The following NDEL1 variants were observed in gnomAD, a reference collection of about 807,000 sequenced individuals.
NDEL1 encodes nudE neurodevelopment protein 1 like 1.
Under a neutral mutation model 45.7 loss-of-function variants are expected in NDEL1, and 9 were observed. The ratio of observed to expected loss-of-function variants is 0.20; its 90% confidence interval spans 0.12 to 0.34. NDEL1 has a LOEUF of 0.34. NDEL1 is among the 10% of genes least tolerant of loss of function. The pLI, the probability that NDEL1 is intolerant of heterozygous loss-of-function variation, is 1.00. For synonymous variants in NDEL1, 133 were observed against 158.6 expected (o/e 0.84, Z 1.21); for missense variants, 306 against 406.2 (o/e 0.75, Z 2.12).
chr17:8,471,638 G>A (rs145673933), downstream of NDEL1, among the ~76,000 whole-genome samples: 345 of 152,350 alleles, frequency 2.3e-3, 1 homozygote, highest in African/African-American at 7.9e-3. Context: ...GAAGTCCGGG[G>A]CCACACTTTC....
intron 4 of NDEL1, among the ~76,000 whole-genome samples, chr17:8,448,148 G>A (rs972340857): frequency 2.0e-5 from 3 of 152,210 alleles, no homozygotes. Flanking sequence ...GTTCTAGGAA[G>A]TCAGTGTGAA....
intron 1 of NDEL1, among the ~76,000 whole-genome samples, chr17:8,442,262 A>C (rs1028455390): frequency 6.6e-6 from 1 of 152,178 alleles, no homozygotes; most frequent in African/African-American, 2.4e-5. Flanking sequence ...TCTAATATTG[A>C]TTTAATATAT....
chr17:8,458,610 T>G (rs1911001856), intron 7 of NDEL1, among the ~76,000 whole-genome samples: 1 of 152,232 alleles, frequency 6.6e-6, no homozygotes, highest in Non-Finnish European at 1.5e-5. Flanking sequence ...ATTATGCTTA[T>G]TCAGAGTTTG....
chr17:8,472,663 G>A (rs568186981), downstream of NDEL1, among the ~76,000 whole-genome samples: 1 of 151,394 alleles, frequency 6.6e-6, no homozygotes, highest in South Asian at 2.1e-4. Flanking sequence ...ACTCTGTCTC[G>A]GGAAAAAAAA....
At position 8,442,381 on chromosome 17, in the gene NDEL1, G is replaced by T. The variant is rs141552006; in HGVS notation, c.-12-1879G>T. Among the ~76,000 whole-genome samples, 942 of 152,098 alleles carry T rather than the reference G, an allele frequency of 6.2e-3. 11 individuals carry two copies. The highest frequency in any genetic ancestry group is 0.022 in the African/African-American group (908 of 41,462). ...AAAGTGGTACTTTGAAAGTCAAGAG[G>T]GAATATTGAAAGGATGATTATAAAT... On this transcript the variant is annotated intron_variant, in intron 1 of 8. Transcript: ENST00000334527.
intron 8 of NDEL1, chr17:8,466,656 T>A (rs889564521): frequency 2.2e-6 from 1 of 446,454 alleles, no homozygotes; most frequent in African/African-American, 2.0e-5. Flanking sequence ...TAGACCTGCT[T>A]TATGGGGAAA....
At chr17:8,436,137 CGTGTCTGAGGCTCCGCCGGGGCG>C in intron 1 of NDEL1, 92 bp downstream of exon 1, 1 of 260,674 alleles carries the variant, frequency 3.8e-6, no homozygotes, top group Non-Finnish European at 7.6e-6. Flanking sequence ...GGCCCGGGGC[CGTGTCTGAGGCTCCGCCGGGGCG>C]GGCCGGGCCG....
chr17:8,445,212 G>A lies in NDEL1; in HGVS notation c.87-499G>A, dbSNP rs138584768. On this transcript the variant is annotated intron_variant, in intron 2 of 8. Transcript: ENST00000334527. Reference sequence around the variant, plus strand: ...TATCTAAATATTAAACTAATTTATGGCATAGTAACATGTACTTCTCTATTA... The same window carrying A: ...TATCTAAATATTAAACTAATTTATGACATAGTAACATGTACTTCTCTATTA... Among the ~76,000 whole-genome samples, 340 of 152,078 alleles carry A rather than the reference G, an allele frequency of 2.2e-3. 1 individual carries two copies. Among genetic ancestry groups the A allele is most frequent in the African/African-American group, 7.8e-3 (322 of 41,458 alleles).
chr17:8,435,979 T>C lies in NDEL1; in HGVS notation c.-79T>C, dbSNP rs1442857014. 3 of 447,568 alleles carry C rather than the reference T, an allele frequency of 6.7e-6. No homozygotes were observed. The highest frequency in any genetic ancestry group is 4.2e-5 in the African/African-American group (2 of 48,032). The allele number at this position is 447,568 out of a possible 1,614,324, so 27.7% of individuals were successfully genotyped here. A position where few individuals can be genotyped will look rare whatever the true frequency, so the allele number is the denominator to read the frequency against. The stretch of plus-strand genomic sequence containing the variant: ...GCTGAGCCGAGCGGCTGGGCGGGCC[T>C]GGCCGGGCCGGCGGAGGGGAGACGT... On this transcript the variant is annotated 5_prime_UTR_variant, in exon 1 of 9. Coordinates refer to ENST00000334527, the MANE Select transcript of NDEL1 (RefSeq NM_030808.5).
intron 7 of NDEL1, among the ~76,000 whole-genome samples, chr17:8,456,186 CT>C (rs111804987): frequency 1.3e-5 from 2 of 152,264 alleles, no homozygotes; most frequent in African/African-American, 4.8e-5. Context: ...CCTGTTTCAG[CT>C]CATCATAGGG....
At chr17:8,442,078 T>G (rs1299463486) in intron 1 of NDEL1, among the ~76,000 whole-genome samples, 2 of 152,204 alleles carry the variant, frequency 1.3e-5, no homozygotes, top group African/African-American at 4.8e-5. Context: ...CAGGGCCGGA[T>G]AATGATGATT....
chr17:8,428,739 T>A (rs1484657829), intron 1 of NDEL1, among the ~76,000 whole-genome samples: 1 of 146,278 alleles, frequency 6.8e-6, no homozygotes, highest in East Asian at 2.1e-4. Context: ...AGTGGCATGA[T>A]CTCGGCTCAC....
downstream of NDEL1, among the ~76,000 whole-genome samples, chr17:8,471,272 T>G (rs1450151292): frequency 6.6e-6 from 1 of 152,250 alleles, no homozygotes; most frequent in East Asian, 1.9e-4. Context: ...TGCCTCAGCC[T>G]CCCAAGTAGC....
upstream of NDEL1, among the ~76,000 whole-genome samples, chr17:8,432,529 C>T (rs181749889): frequency 0.014 from 2,190 of 151,140 alleles, 38 homozygotes; most frequent in Middle Eastern, 0.058. Flanking sequence ...GGACTACAGG[C>T]GTCCACCACT....
chr17:8,427,666 C>A (rs1288290845), intron 1 of NDEL1, among the ~76,000 whole-genome samples: 1 of 152,126 alleles, frequency 6.6e-6, no homozygotes, highest in East Asian at 1.9e-4. Context: ...CAAGCTCGCG[C>A]CACTGCACTC....
At chr17:8,471,193 C>A (rs1911826223), downstream of NDEL1, among the ~76,000 whole-genome samples, 1 of 152,188 alleles carries the variant, frequency 6.6e-6, no homozygotes, top group African/African-American at 2.4e-5. Context: ...TCTTGTTGCC[C>A]AGGCTGGAGT....
intron 1 of NDEL1, among the ~76,000 whole-genome samples, chr17:8,442,689 ATT>A (rs58152673): frequency 6.9e-5 from 9 of 130,454 alleles, no homozygotes; most frequent in Admixed American, 1.5e-4. Context: ...CTTTAAAAAG[ATT>A]TTTTTTTTTT....
chr17:8,454,671 TA>T (rs1280086781), intron 6 of NDEL1, 124 bp from the exon 7 acceptor site: 2 of 693,734 alleles, frequency 2.9e-6, no homozygotes, highest in Non-Finnish European at 5.1e-6. Context: ...ATCTATACTT[TA>T]TCCATAGTTT....
At chr17:8,414,224 T>C (rs1908489359) in intron 1 of NDEL1, among the ~76,000 whole-genome samples, 1 of 152,074 alleles carries the variant, frequency 6.6e-6, no homozygotes, top group Non-Finnish European at 1.5e-5. Context: ...TTTATTTCTA[T>C]AATAATAAAC....
Sources: gnomAD v4.1 joint callset for allele counts (sites outside exome capture counted in the v4.1 genomes callset) on GRCh38, gnomAD v4.1.1 for gene constraint, MANE v1.5 for transcripts, NCBI Gene and HGNC (gene_info 2026-07-23, HGNC 2026-07-21) for gene names.